Variants in GATC observed in about 807,000 individuals in gnomAD.
The protein encoded by GATC is glutamyl-tRNA amidotransferase subunit C.
A neutral mutation model predicts 14.4 loss-of-function variants in GATC; 11 were observed. The ratio of observed to expected loss-of-function variants is 0.77; its 90% CI spans 0.48 to 1.27. GATC has a LOEUF of 1.27. Among genes scored for constraint, GATC ranks in the 50% most tolerant of loss-of-function variants. The pLI is 0.00. For missense variants in GATC, 204 were observed against 183.0 expected, an observed-to-expected ratio of 1.11 and a Z score of -0.66; for synonymous variants, 76 against 79.3, an observed-to-expected ratio of 0.96 and a Z score of 0.22.
At chr12:120,451,150 A>ACAAACAAAC (rs1878032610) in intron 2 of GATC, among the ~76,000 whole-genome samples, 1 of 141,270 alleles carries the variant, frequency 7.1e-6, no homozygotes, top group African/African-American at 2.7e-5. Flanking sequence ...TCTCAAAAAA[A>ACAAACAAAC]AAAAAAAAAA....
At chr12:120,451,611 G>A (rs1396244482) in intron 2 of GATC, among the ~76,000 whole-genome samples, 11 of 151,100 alleles carry the variant, frequency 7.3e-5, no homozygotes, top group South Asian at 2.1e-4. Context: ...GCATGGTGGC[G>A]CACTCCTGTA....
In GATC at chr12:120,461,127, G is replaced by A. The variant is rs1372880882; in HGVS notation, c.*1168G>A. ...ATTTTTTTAGTTTTCTGAGACAGGG[G>A]TCTCCCTCTGTCACCCAGGCTGGAG... On this transcript the variant is annotated 3_prime_UTR_variant, in exon 4 of 4. Coordinates refer to ENST00000551765, the MANE Select transcript of GATC (RefSeq NM_176818.3). 1 of 151,940 alleles carries A rather than the reference G, an allele frequency of 6.6e-6. No homozygotes were observed. The highest frequency in any genetic ancestry group is 1.5e-5 in the Non-Finnish European group (1 of 68,002). 9.4% of individuals were successfully genotyped at this position (151,940 alleles called of 1,614,324 possible).
At position 120,461,286 on chromosome 12, in the gene GATC, G is replaced by C. The variant is rs1487137804; in HGVS notation, c.*1327G>C. Reference sequence around the variant, plus strand: ...AATTTTTTTTTAAGTAGAGGTGGGGGTTTTGCTATGTTGCCTATCTGGTCG... The same window carrying C: ...AATTTTTTTTTAAGTAGAGGTGGGGCTTTTGCTATGTTGCCTATCTGGTCG... On this transcript the variant is annotated 3_prime_UTR_variant, in exon 4 of 4. Transcript: ENST00000551765. 6.6e-6 allele frequency: 1 copy of C among 151,986 alleles called. No individual in the cohort carries two copies. Among genetic ancestry groups the C allele is most frequent in the Non-Finnish European group, 1.5e-5 (1 of 68,038 alleles). The allele number at this position is 151,986 out of a possible 1,614,324, so 9.4% of individuals were successfully genotyped here.
chr12:120,447,741 T>C (rs931167630), intron 2 of GATC, among the ~76,000 whole-genome samples: 1 of 152,208 alleles, frequency 6.6e-6, no homozygotes, highest in Non-Finnish European at 1.5e-5. Context: ...TACTGTTTTA[T>C]TCCTGCCTTG....
At position 120,463,401 on chromosome 12, in the gene GATC, A is replaced by G. The variant is rs1057039470; in HGVS notation, c.*3442A>G. The G allele has an allele frequency of 6.6e-6, 1 of 152,006 alleles. No homozygotes were observed. Among genetic ancestry groups the G allele is most frequent in the Non-Finnish European group, 1.5e-5 (1 of 68,012 alleles). The allele number at this position is 152,006 out of a possible 1,614,324, so 9.4% of individuals were successfully genotyped here. ...TCGGCAATATAATGAGACTGTCTCT[A>G]AAATCAAAAATTAGAGAAATATAAA... On this transcript the variant is annotated 3_prime_UTR_variant, in exon 4 of 4. Transcript: ENST00000551765.
Position 120,463,089 on chromosome 12 carries a change from A to G in GATC, c.*3130A>G, listed in dbSNP as rs1198882449. 6.6e-6 allele frequency: 1 copy of G among 150,796 alleles called. No homozygotes were observed. Among genetic ancestry groups the G allele is most frequent in the East Asian group, 1.9e-4 (1 of 5,136 alleles). 9.3% of individuals were successfully genotyped at this position (150,796 alleles called of 1,614,324 possible). A position where few individuals can be genotyped will look rare whatever the true frequency, so the allele number is the denominator to read the frequency against. The stretch of plus-strand genomic sequence containing the variant: ...GTCCCCAAACATCCGTAAATCTCAT[A>G]GTAAGGCAGGACAGGATAACCAGAA... On this transcript the variant is annotated 3_prime_UTR_variant, in exon 4 of 4. Transcript: ENST00000551765.
chr12:120,450,302 C>T (rs1878003980), intron 2 of GATC: 1 of 152,208 alleles, frequency 6.6e-6, no homozygotes, highest in South Asian at 2.1e-4. Flanking sequence ...TCCCATTAAT[C>T]ATTTTAATGT....
chr12:120,453,429 C>G (rs140524591), intron 2 of GATC, among the ~76,000 whole-genome samples: 1 of 152,220 alleles, frequency 6.6e-6, no homozygotes, highest in Non-Finnish European at 1.5e-5. Context: ...CAAATGTTAG[C>G]TTAAACACAC....
chr12:120,449,382 G>A (rs1182905956), intron 2 of GATC, among the ~76,000 whole-genome samples: 1 of 152,080 alleles, frequency 6.6e-6, no homozygotes, highest in Non-Finnish European at 1.5e-5. Flanking sequence ...ACCTTCCACA[G>A]CATGTCTGTT....
chr12:120,459,839 A>G (rs1253438375), intron 3 of GATC, 68 bp from the exon 4 acceptor site: 3 of 1,259,308 alleles, frequency 2.4e-6, no homozygotes, highest in African/African-American at 1.5e-5. Flanking sequence ...CCTGGGCAAC[A>G]GCGAGACTCT....
chr12:120,448,834 CGG>C (rs914967745), intron 2 of GATC, among the ~76,000 whole-genome samples: 36 of 150,932 alleles, frequency 2.4e-4, no homozygotes, highest in African/African-American at 8.0e-4. Flanking sequence ...TTAATAGAGA[CGG>C]GGTTTCACCA....
In GATC at chr12:120,455,530, G is replaced by GT. The variant is rs1878160081; in HGVS notation, c.255-1544dup. On this transcript the variant is annotated intron_variant, in intron 2 of 3. Coordinates refer to ENST00000551765, the MANE Select transcript of GATC (RefSeq NM_176818.3). The stretch of plus-strand genomic sequence containing the variant: ...TTTAATGTCTGAAAAGATCATACTT[G>GT]TTCAAGGCCACACAGTTAAGAATGT... 2.0e-5 allele frequency among the ~76,000 whole-genome samples: 3 copies of GT among 151,614 alleles called. No homozygotes were observed. In the South Asian group the frequency reaches 6.3e-4, roughly 32 times the overall value.
chr12:120,462,409 A>C lies in GATC; in HGVS notation c.*2450A>C. ...TGCCCAAGGTAACACAATAAATGCC[A>C]ATTTGACATGTTGATACTCAATTAA... is the stretch of plus-strand genomic sequence containing the variant. On this transcript the variant is annotated 3_prime_UTR_variant, in exon 4 of 4. Coordinates refer to ENST00000551765, the MANE Select transcript of GATC (RefSeq NM_176818.3). 2.7e-6 allele frequency: 1 copy of C among 371,106 alleles called. No individual in the cohort carries two copies. The highest frequency in any genetic ancestry group is 4.7e-5 in the East Asian group (1 of 21,390). 23.0% of individuals were successfully genotyped at this position (371,106 alleles called of 1,614,324 possible).
chr12:120,450,363 CA>C (rs1878005424), intron 2 of GATC: 1 of 152,164 alleles, frequency 6.6e-6, no homozygotes, highest in Non-Finnish European at 1.5e-5. Context: ...AAAGTGAAGA[CA>C]AGTATTAAAC....
chr12:120,452,713 CT>C (rs1048132008), intron 2 of GATC, among the ~76,000 whole-genome samples: 4 of 151,206 alleles, frequency 2.6e-5, no homozygotes, highest in Admixed American at 6.6e-5. Flanking sequence ...GAATCCAGAA[CT>C]TTTTTTTTCT....
At chr12:120,446,860 G>A in intron 2 of GATC, 31 bp downstream of exon 2, 3 of 1,559,108 alleles carry the variant, frequency 1.9e-6, no homozygotes, top group Non-Finnish European at 2.6e-6. Flanking sequence ...CCGAAGCCTT[G>A]ACCGTGGCCC....
chr12:120,457,524 C>T (rs1244398372), intron 3 of GATC, among the ~76,000 whole-genome samples: 2 of 151,560 alleles, frequency 1.3e-5, no homozygotes, highest in Non-Finnish European at 2.9e-5. Context: ...TTCTAGTATT[C>T]ATACCATGAA....
chr12:120,454,460 GC>G (rs1393595047), intron 2 of GATC, among the ~76,000 whole-genome samples: 1 of 151,888 alleles, frequency 6.6e-6, no homozygotes, highest in Non-Finnish European at 1.5e-5. Flanking sequence ...TTGCTCTGTC[GC>G]CCAGGCTGGA....
chr12:120,461,509 C>T lies in GATC; in HGVS notation c.*1550C>T, dbSNP rs2137047792. 1 of 152,294 alleles carries T rather than the reference C, an allele frequency of 6.6e-6. No individual in the cohort carries two copies. Among genetic ancestry groups the T allele is most frequent in the Admixed American group, 6.5e-5 (1 of 15,282 alleles). 9.4% of individuals were successfully genotyped at this position (152,294 alleles called of 1,614,324 possible). Reference sequence around the variant, plus strand: ...AGAACCCGCTCTTGGAGTTTACGTTCTCAAACCAACATCAGAGCAACTGTC... The same window carrying T: ...AGAACCCGCTCTTGGAGTTTACGTTTTCAAACCAACATCAGAGCAACTGTC... On this transcript the variant is annotated 3_prime_UTR_variant, in exon 4 of 4. Transcript: ENST00000551765.
Sources: allele counts gnomAD v4.1 joint callset (sites outside exome capture counted in the v4.1 genomes callset), GRCh38; gene constraint gnomAD v4.1.1; transcripts MANE v1.5; gene names NCBI Gene and HGNC (gene_info 2026-07-23, HGNC 2026-07-21).